Variants in RALGPS1 observed in about 807,000 individuals in gnomAD.
RALGPS1 encodes Ral GEF with PH domain and SH3 binding motif 1, also known as ras-specific guanine nucleotide-releasing factor RalGPS1.
In RALGPS1, 19 loss-of-function variants were observed where a neutral mutation model predicts 78.8. The observed-to-expected ratio is 0.24, with a 90% confidence interval of 0.17 to 0.35. RALGPS1 has a LOEUF of 0.35. Among genes scored for constraint, RALGPS1 ranks in the 10% least tolerant of loss-of-function variants. The pLI is 1.00. For missense variants in RALGPS1, 454 were observed against 688.3 expected (o/e 0.66, Z 3.81); for synonymous variants, 228 against 256.3 (o/e 0.89, Z 1.06).
chr9:127,051,436 T>G (rs1244887463), intron 6 of RALGPS1, among the ~76,000 whole-genome samples: 2 of 152,130 alleles, frequency 1.3e-5, no homozygotes, highest in Non-Finnish European at 2.9e-5. Context: ...ATCTATAAAA[T>G]GAAAGGGGTG....
intron 14 of RALGPS1, among the ~76,000 whole-genome samples, chr9:127,208,029 C>G (rs762253058): frequency 2.0e-5 from 3 of 152,244 alleles, no homozygotes; most frequent in Non-Finnish European, 4.4e-5. Flanking sequence ...TCAGTTTCCT[C>G]ATCTAAAACT....
At chr9:127,049,060 A>G (rs887043492) in intron 5 of RALGPS1, among the ~76,000 whole-genome samples, 2 of 152,166 alleles carry the variant, frequency 1.3e-5, no homozygotes, top group African/African-American at 4.8e-5. Flanking sequence ...ATCCTTAACT[A>G]TATTTTTCCC....
At chr9:126,938,428 C>G (rs2036463154) in intron 1 of RALGPS1, among the ~76,000 whole-genome samples, 1 of 152,164 alleles carries the variant, frequency 6.6e-6, no homozygotes, top group Non-Finnish European at 1.5e-5. Flanking sequence ...TCCAGCTTCA[C>G]CATTGACGTG....
At chr9:127,061,709 C>T (rs1439881474) in intron 7 of RALGPS1, among the ~76,000 whole-genome samples, 1 of 152,198 alleles carries the variant, frequency 6.6e-6, no homozygotes, top group South Asian at 2.1e-4. Context: ...CCTCTTCCTG[C>T]AGTTCCTTCT....
intron 4 of RALGPS1, among the ~76,000 whole-genome samples, chr9:126,987,499 C>T (rs964326122): frequency 1.6e-4 from 24 of 152,134 alleles, no homozygotes; most frequent in African/African-American, 5.3e-4. Context: ...TGTGCTCTGC[C>T]AGAGCATCAT....
intron 1 of RALGPS1, among the ~76,000 whole-genome samples, chr9:126,915,692 A>G (rs1414006676): frequency 6.8e-6 from 1 of 147,626 alleles, no homozygotes; most frequent in Non-Finnish European, 1.5e-5. Context: ...TGCCTCCCCT[A>G]TGCTACGCCG....
chr9:127,066,953 A>C (rs1272419061), intron 7 of RALGPS1, among the ~76,000 whole-genome samples: 1 of 152,080 alleles, frequency 6.6e-6, no homozygotes, highest in African/African-American at 2.4e-5. Context: ...TCTCCCAAGT[A>C]GCTCATTTAT....
chr9:127,199,254 G>C (rs113748501), intron 14 of RALGPS1, among the ~76,000 whole-genome samples, 188 bp downstream of exon 14: 1 of 152,100 alleles, frequency 6.6e-6, no homozygotes, highest in East Asian at 1.9e-4. Flanking sequence ...ATGGTTGCTG[G>C]GGCCCCAGCC....
chr9:126,986,283 A>G (rs2041793928), intron 4 of RALGPS1, among the ~76,000 whole-genome samples: 1 of 152,206 alleles, frequency 6.6e-6, no homozygotes, highest in Admixed American at 6.5e-5. Flanking sequence ...CGAGTGACCA[A>G]GTTTATCAAA....
chr9:127,089,162 G>C (rs187115250), intron 8 of RALGPS1: 1 of 1,613,088 alleles, frequency 6.2e-7, no homozygotes, highest in Non-Finnish European at 8.5e-7. Context: ...GGCAGTGAGA[G>C]GGTGTCTGGG....
chr9:127,045,191 A>C (rs921730441), intron 5 of RALGPS1, among the ~76,000 whole-genome samples: 1 of 152,192 alleles, frequency 6.6e-6, no homozygotes, highest in African/African-American at 2.4e-5. Context: ...AATATATGCA[A>C]ATTTTTAAAA....
At chr9:126,945,388 C>T (rs1027430455) in intron 1 of RALGPS1, among the ~76,000 whole-genome samples, 5 of 152,068 alleles carry the variant, frequency 3.3e-5, no homozygotes, top group Non-Finnish European at 5.9e-5. Flanking sequence ...TTAGTAGAGA[C>T]GGGGTTTCGC....
At chr9:127,023,766 T>G (rs1244950511) in intron 4 of RALGPS1, among the ~76,000 whole-genome samples, 1 of 152,172 alleles carries the variant, frequency 6.6e-6, no homozygotes, top group Admixed American at 6.5e-5. Context: ...CTGGGCGCGG[T>G]GGCTCACGTC....
chr9:127,147,059 A>T (rs1368851107), intron 8 of RALGPS1, among the ~76,000 whole-genome samples: 4 of 152,126 alleles, frequency 2.6e-5, no homozygotes, highest in Non-Finnish European at 5.9e-5. Context: ...TTAACTTTTT[A>T]ATAATAGCCA....
chr9:127,042,682 G>A (rs906008264), intron 5 of RALGPS1, among the ~76,000 whole-genome samples: 1 of 152,002 alleles, frequency 6.6e-6, no homozygotes, highest in South Asian at 2.1e-4. Context: ...AGTAAGACAA[G>A]AAAATAAATA....
intron 10 of RALGPS1, among the ~76,000 whole-genome samples, chr9:127,170,143 A>C (rs1189698247): frequency 6.6e-6 from 1 of 152,064 alleles, no homozygotes; most frequent in East Asian, 1.9e-4. Context: ...GTTCGTGAAA[A>C]CTGTAGAGAA....
intron 4 of RALGPS1, among the ~76,000 whole-genome samples, chr9:126,987,770 A>G (rs559673894): frequency 6.6e-6 from 1 of 152,222 alleles, no homozygotes; most frequent in South Asian, 2.1e-4. Context: ...TTACTCATTC[A>G]TCAGTCTACT....
At position 127,169,143 on chromosome 9, in the gene RALGPS1, C is replaced by T. The variant is rs150448832; in HGVS notation, c.842+371C>T. ...ATGGCACAGGCGTGGTGCTCTGGTT[C>T]TCACAAGTGACTCCCCCACCCACAG... On this transcript the variant is annotated intron_variant, in intron 10 of 18. Transcript: ENST00000259351. Among the ~76,000 whole-genome samples the T allele has an allele frequency of 3.2e-3, 485 of 152,310 alleles. 1 individual carries two copies. The highest frequency in any genetic ancestry group is 6.8e-3 in the Middle Eastern group (2 of 294).
intron 7 of RALGPS1, among the ~76,000 whole-genome samples, chr9:127,056,722 C>G (rs1261279511): frequency 2.6e-5 from 4 of 152,216 alleles, no homozygotes; most frequent in African/African-American, 9.6e-5. Flanking sequence ...CCCCTTTTGA[C>G]TGCATTCCTC....
Sources: gnomAD v4.1 joint callset for allele counts (sites outside exome capture counted in the v4.1 genomes callset) on GRCh38, gnomAD v4.1.1 for gene constraint, MANE v1.5 for transcripts, NCBI Gene and HGNC (gene_info 2026-07-23, HGNC 2026-07-21) for gene names.